The following ARHGAP6 variants were observed in gnomAD, a reference collection of about 807,000 sequenced individuals.
ARHGAP6 encodes rho GTPase-activating protein 6.
A neutral mutation model predicts 55.7 loss-of-function variants in ARHGAP6; 16 were observed. That is an observed-to-expected ratio of 0.29 (90% CI 0.19 to 0.44). The LOEUF (loss-of-function observed/expected upper bound fraction) is 0.44, where lower values mean the gene tolerates loss of function less well. ARHGAP6 is among the 20% of genes least tolerant of loss of function. ARHGAP6 has a pLI of 1.00. For missense variants in ARHGAP6, 698 were observed against 808.9 expected (o/e 0.86, Z 1.66); for synonymous variants, 382 against 360.9 (o/e 1.06, Z -0.66).
intron 1 of ARHGAP6, among the ~76,000 whole-genome samples, chrX:11,514,950 T>C (rs763058761): frequency 3.6e-5 from 4 of 111,114 alleles, no homozygotes; most frequent in Non-Finnish European, 7.5e-5. Context: ...CCCTCACTGG[T>C]TTCTCCTATC....
intron 5 of ARHGAP6, among the ~76,000 whole-genome samples, chrX:11,185,649 A>G (rs1401460705): frequency 8.9e-6 from 1 of 112,453 alleles, no homozygotes; most frequent in East Asian, 2.8e-4. Context: ...TTTCAGAAAC[A>G]TTTTTGAAGA....
intron 2 of ARHGAP6, among the ~76,000 whole-genome samples, chrX:11,239,891 T>C (rs1354672255): frequency 8.9e-6 from 1 of 112,322 alleles, no homozygotes; most frequent in East Asian, 2.8e-4. Flanking sequence ...TTTTGTCCTT[T>C]ATTAAAACTA....
intron 1 of ARHGAP6, among the ~76,000 whole-genome samples, chrX:11,315,911 T>G (rs1389581970): frequency 8.9e-6 from 1 of 112,030 alleles, no homozygotes. Context: ...ACTAGGACAT[T>G]TTTTTCTTGA....
At chrX:11,376,740 C>T (rs1313460562) in intron 1 of ARHGAP6, among the ~76,000 whole-genome samples, 1 of 112,191 alleles carries the variant, frequency 8.9e-6, no homozygotes, top group Admixed American at 9.4e-5. Context: ...TAAAATCATG[C>T]TTGGTTGTCA....
At chrX:11,411,186 TA>T (rs2049677937) in intron 1 of ARHGAP6, among the ~76,000 whole-genome samples, 4 of 46,039 alleles carry the variant, frequency 8.7e-5, no homozygotes, top group Admixed American at 2.3e-4. Context: ...ACATTATTTA[TA>T]TATATATATA....
intron 1 of ARHGAP6, among the ~76,000 whole-genome samples, chrX:11,431,605 G>A (rs1248460854): frequency 9.0e-6 from 1 of 111,627 alleles, no homozygotes; most frequent in Admixed American, 9.5e-5. Context: ...GTTACTATGA[G>A]ACCCTCTAAG....
chrX:11,590,832 A>G (rs1170677116), intron 1 of ARHGAP6, among the ~76,000 whole-genome samples: 7 of 54,268 alleles, frequency 1.3e-4, no homozygotes, highest in African/African-American at 5.5e-4. Context: ...AAAAGAAAAG[A>G]AAAGAAAAGA....
At chrX:11,604,803 A>T (rs1376272086) in intron 1 of ARHGAP6, among the ~76,000 whole-genome samples, 1 of 112,440 alleles carries the variant, frequency 8.9e-6, no homozygotes, top group Non-Finnish European at 1.9e-5. Context: ...AGCTGACTCA[A>T]CAAGGAGCTC....
At chrX:11,460,059 T>TATG (rs1343869841) in intron 1 of ARHGAP6, among the ~76,000 whole-genome samples, 1 of 111,745 alleles carries the variant, frequency 8.9e-6, no homozygotes, top group Non-Finnish European at 1.9e-5. Context: ...GACCTGGGAA[T>TATG]ATGATGGAAC....
chrX:11,194,512 C>T (rs891805859), intron 3 of ARHGAP6, among the ~76,000 whole-genome samples: 4 of 111,872 alleles, frequency 3.6e-5, no homozygotes, highest in East Asian at 2.8e-4. Context: ...GTCAGGGGTG[C>T]GGATCACTGA....
At chrX:11,342,165 A>T (rs978800831) in intron 1 of ARHGAP6, among the ~76,000 whole-genome samples, 10 of 112,194 alleles carry the variant, frequency 8.9e-5, no homozygotes, top group Non-Finnish European at 1.3e-4. Flanking sequence ...TCTTAAACAC[A>T]CAACAGCAGA....
chrX:11,330,105 G>A (rs1260555171), intron 1 of ARHGAP6, among the ~76,000 whole-genome samples: 1 of 113,013 alleles, frequency 8.8e-6, no homozygotes, highest in African/African-American at 3.2e-5. Context: ...CTACATCCCA[G>A]CTACTGTTAT....
intron 1 of ARHGAP6, among the ~76,000 whole-genome samples, chrX:11,526,490 C>A (rs1348061287): frequency 1.8e-5 from 2 of 111,854 alleles, no homozygotes; most frequent in East Asian, 2.8e-4. Flanking sequence ...CACTGACCCT[C>A]CCCTCCCCTC....
intron 1 of ARHGAP6, among the ~76,000 whole-genome samples, chrX:11,608,988 G>A (rs746815098): frequency 6.3e-5 from 7 of 111,490 alleles, no homozygotes; most frequent in Admixed American, 3.8e-4. Flanking sequence ...GGCAGATTCC[G>A]TCATAACTAA....
Position 11,223,818 on chromosome X carries a change from T to A in ARHGAP6, c.749-26822A>T, listed in dbSNP as rs1423571198. Among the ~76,000 whole-genome samples, 4 of 111,078 alleles carry A rather than the reference T, an allele frequency of 3.6e-5. No individual in the cohort carries two copies. In the Admixed American group the frequency reaches 3.8e-4, roughly 11 times the overall value. On this transcript the variant is annotated intron_variant, in intron 2 of 12. Transcript: ENST00000337414. ...CCACATGTTATTTAGTTTGAGGAAA[T>A]GAAAAGTAAACTGCTGTTAGAGAAA...
At chrX:11,497,444 T>C (rs1244840290) in intron 1 of ARHGAP6, among the ~76,000 whole-genome samples, 2 of 110,319 alleles carry the variant, frequency 1.8e-5, no homozygotes, top group Admixed American at 1.9e-4. Flanking sequence ...CTTTGGAAGA[T>C]AATTAGGTCC....
chrX:11,375,553 G>C (rs922250887), intron 1 of ARHGAP6, among the ~76,000 whole-genome samples: 1 of 111,673 alleles, frequency 9.0e-6, no homozygotes, highest in African/African-American at 3.3e-5. Context: ...TGTTGTCTTT[G>C]AGATTTCCTT....
intron 1 of ARHGAP6, among the ~76,000 whole-genome samples, chrX:11,383,439 T>C (rs1044715511): frequency 8.1e-5 from 9 of 111,242 alleles, no homozygotes; most frequent in African/African-American, 2.9e-4. Flanking sequence ...CTTCTTAAGA[T>C]ATGCCCCCTT....
chrX:11,219,395 A>G (rs1276884053), intron 2 of ARHGAP6, among the ~76,000 whole-genome samples: 21 of 102,281 alleles, frequency 2.1e-4, no homozygotes, highest in Non-Finnish European at 3.0e-4. Context: ...TCCTTTGGGT[A>G]TATACCCAGT....
Sources: allele counts gnomAD v4.1 joint callset (sites outside exome capture counted in the v4.1 genomes callset), GRCh38; gene constraint gnomAD v4.1.1; transcripts MANE v1.5; gene names NCBI Gene and HGNC (gene_info 2026-07-23, HGNC 2026-07-21).